PTPRD: variants seen among roughly 807,000 people sequenced by gnomAD.
PTPRD encodes the protein receptor-type tyrosine-protein phosphatase delta.
Under a neutral mutation model 214.5 loss-of-function variants are expected in PTPRD, and 34 were observed. The ratio of observed to expected loss-of-function variants is 0.16; its 90% CI spans 0.12 to 0.21. PTPRD has a LOEUF of 0.21. Among genes scored for constraint, PTPRD ranks in the 10% least tolerant of loss-of-function variants. The pLI is 1.00. For missense variants in PTPRD, 2,545 were observed against 2,398.7 expected (o/e 1.06, Z -1.27); for synonymous variants, 1,128 against 845.7 (o/e 1.33, Z -5.79).
chr9:9,076,350 A>T (rs923889432), intron 10 of PTPRD, among the ~76,000 whole-genome samples: 1 of 151,906 alleles, frequency 6.6e-6, no homozygotes, highest in African/African-American at 2.4e-5. Context: ...TTGCCTGTCC[A>T]CTCTGATGGC....
intron 39 of PTPRD, among the ~76,000 whole-genome samples, chr9:8,373,335 A>C (rs1429527083): frequency 6.6e-6 from 1 of 152,004 alleles, no homozygotes; most frequent in Non-Finnish European, 1.5e-5. Context: ...ACTTCTTACC[A>C]GACATGTAAA....
intron 7 of PTPRD, among the ~76,000 whole-genome samples, chr9:9,615,102 A>G (rs2094775926): frequency 1.3e-5 from 2 of 152,120 alleles, no homozygotes; most frequent in Non-Finnish European, 2.9e-5. Flanking sequence ...CCACTGGCTC[A>G]ATACTTGTCC....
chr9:10,150,468 A>C (rs1174549504), intron 3 of PTPRD, among the ~76,000 whole-genome samples: 1 of 151,982 alleles, frequency 6.6e-6, no homozygotes, highest in Non-Finnish European at 1.5e-5. Context: ...CAACGAGAAC[A>C]CATGGACACG....
chr9:9,330,229 T>C (rs1205070225), intron 9 of PTPRD, among the ~76,000 whole-genome samples: 2 of 152,142 alleles, frequency 1.3e-5, no homozygotes, highest in African/African-American at 2.4e-5. Flanking sequence ...TAGAACAGTT[T>C]TCCTGTTGTC....
intron 36 of PTPRD, among the ~76,000 whole-genome samples, chr9:8,398,582 G>C (rs2091748362): frequency 6.6e-6 from 1 of 152,186 alleles, no homozygotes; most frequent in African/African-American, 2.4e-5. Flanking sequence ...AGTACTGAGA[G>C]GTGAGGTCTT....
At chr9:9,938,402 G>A (rs1019254798) in intron 5 of PTPRD, 105 bp downstream of exon 5, 2 of 152,118 alleles carry the variant, frequency 1.3e-5, no homozygotes, top group Admixed American at 6.5e-5. Context: ...TTTTGAAAGC[G>A]TAAAAGGGTT....
At chr9:8,557,747 A>T (rs55718482) in intron 14 of PTPRD, among the ~76,000 whole-genome samples, 101 of 109,760 alleles carry the variant, frequency 9.2e-4, no homozygotes, top group African/African-American at 6.3e-3. Context: ...TCTCTCAATA[A>T]AAAAAAAAAA....
At chr9:8,695,986 C>T (rs981408302) in intron 12 of PTPRD, among the ~76,000 whole-genome samples, 3 of 152,202 alleles carry the variant, frequency 2.0e-5, no homozygotes, top group Non-Finnish European at 4.4e-5. Context: ...TTATTGACTC[C>T]TTACCCTATA....
intron 12 of PTPRD, among the ~76,000 whole-genome samples, chr9:8,680,562 T>A (rs749443223): frequency 5.3e-5 from 8 of 152,164 alleles, no homozygotes; most frequent in Non-Finnish European, 7.4e-5. Flanking sequence ...TATCTCTACA[T>A]TGAGTATATA....
At chr9:8,388,520 A>T (rs1045541175) in intron 37 of PTPRD, among the ~76,000 whole-genome samples, 3 of 152,222 alleles carry the variant, frequency 2.0e-5, no homozygotes, top group Non-Finnish European at 4.4e-5. Flanking sequence ...ACTCAGGAAT[A>T]TGGTATACTG....
intron 3 of PTPRD, among the ~76,000 whole-genome samples, chr9:10,050,805 T>C (rs2097522923): frequency 6.6e-6 from 1 of 152,028 alleles, no homozygotes; most frequent in Non-Finnish European, 1.5e-5. Context: ...AAATTTCCTG[T>C]CCAATTTTGG....
intron 7 of PTPRD, among the ~76,000 whole-genome samples, chr9:9,702,569 G>C (rs984315572): frequency 6.6e-6 from 1 of 152,132 alleles, no homozygotes; most frequent in African/African-American, 2.4e-5. Context: ...ATGAAGCACA[G>C]ACAAGAGAAA....
intron 11 of PTPRD, among the ~76,000 whole-genome samples, chr9:8,800,520 T>C (rs2096550417): frequency 6.6e-6 from 1 of 152,102 alleles, no homozygotes; most frequent in Non-Finnish European, 1.5e-5. Context: ...TGACTTCTGG[T>C]CATTCTCACT....
chr9:8,836,356 G>C (rs758742920), intron 11 of PTPRD, among the ~76,000 whole-genome samples: 1 of 152,020 alleles, frequency 6.6e-6, no homozygotes, highest in Non-Finnish European at 1.5e-5. Flanking sequence ...TAAAATACCA[G>C]AGATACTGGT....
At chr9:8,431,931 G>A (rs1310436496) in intron 35 of PTPRD, among the ~76,000 whole-genome samples, 7 of 152,234 alleles carry the variant, frequency 4.6e-5, no homozygotes, top group Admixed American at 4.6e-4. Context: ...ACCTCTGGTA[G>A]AATTTGGCTG....
chr9:8,374,114 CTG>C (rs6150905), intron 39 of PTPRD, among the ~76,000 whole-genome samples: 12,783 of 142,418 alleles, frequency 0.09, 580 homozygotes, highest in South Asian at 0.17. Flanking sequence ...ACACACGTGT[CTG>C]TGTGTGTGTG....
At chr9:10,280,712 G>C (rs1192421463) in intron 3 of PTPRD, among the ~76,000 whole-genome samples, 1 of 151,960 alleles carries the variant, frequency 6.6e-6, no homozygotes, top group Non-Finnish European at 1.5e-5. Context: ...CTAGATTCAA[G>C]TGTTCCCCCA....
intron 7 of PTPRD, among the ~76,000 whole-genome samples, chr9:9,624,924 G>A (rs2095370455): frequency 6.6e-6 from 1 of 151,996 alleles, no homozygotes; most frequent in African/African-American, 2.4e-5. Flanking sequence ...TATTAAGTGT[G>A]CTTTTCTTTA....
intron 11 of PTPRD, among the ~76,000 whole-genome samples, chr9:8,912,503 G>A (rs1242127524): frequency 1.3e-5 from 2 of 152,144 alleles, no homozygotes; most frequent in African/African-American, 4.8e-5. Context: ...GGACCAGGTT[G>A]AGAATGGGAA....
Sources: allele counts gnomAD v4.1 joint callset (sites outside exome capture counted in the v4.1 genomes callset), GRCh38; gene constraint gnomAD v4.1.1; transcripts MANE v1.5; gene names NCBI Gene and HGNC (gene_info 2026-07-23, HGNC 2026-07-21).